Variants in IL1RAPL2 observed in about 807,000 individuals in gnomAD.
The protein encoded by IL1RAPL2 is interleukin 1 receptor accessory protein like 2, also known as X-linked interleukin-1 receptor accessory protein-like 2.
Under a neutral mutation model 44.1 loss-of-function variants are expected in IL1RAPL2, and 3 were observed. The observed-to-expected ratio is 0.07, with a 90% confidence interval of 0.03 to 0.18. The LOEUF (loss-of-function observed/expected upper bound fraction) is 0.18, where lower values mean the gene tolerates loss of function less well. IL1RAPL2 is among the 10% of genes least tolerant of loss of function. The pLI is 1.00. For synonymous variants in IL1RAPL2, 181 were observed against 178.8 expected (o/e 1.01, Z -0.10); for missense variants, 391 against 496.4 (o/e 0.79, Z 2.02).
At chrX:105,240,739 T>C (rs889918120) in intron 4 of IL1RAPL2, among the ~76,000 whole-genome samples, 12 of 112,417 alleles carry the variant, frequency 1.1e-4, no homozygotes, top group African/African-American at 3.5e-4. Context: ...ATAATTGATA[T>C]CATATACTCA....
chrX:104,704,362 G>A (rs1187051049), intron 2 of IL1RAPL2, among the ~76,000 whole-genome samples: 1 of 111,673 alleles, frequency 9.0e-6, no homozygotes, highest in Non-Finnish European at 1.9e-5. Context: ...GGGGCAGGAG[G>A]GTTGTGGTAG....
chrX:104,578,138 G>C (rs1928277514), intron 1 of IL1RAPL2, among the ~76,000 whole-genome samples: 1 of 111,899 alleles, frequency 8.9e-6, no homozygotes, highest in Non-Finnish European at 1.9e-5. Context: ...CCACATCTTA[G>C]TTTGTCAATA....
intron 6 of IL1RAPL2, among the ~76,000 whole-genome samples, chrX:105,640,667 TATATATATATATATATATATATATAC>T (rs1220711834): frequency 2.5e-5 from 2 of 80,186 alleles, no homozygotes; most frequent in Non-Finnish European, 4.3e-5. Flanking sequence ...TATATATATA[TATATATATATATATATATATATATAC>T]ACACACATAT....
chrX:105,351,151 AG>A (rs2035150896), intron 5 of IL1RAPL2, among the ~76,000 whole-genome samples: 1 of 111,906 alleles, frequency 8.9e-6, no homozygotes, highest in Non-Finnish European at 1.9e-5. Flanking sequence ...GTGGAGAAAC[AG>A]GAACACTTTT....
intron 1 of IL1RAPL2, among the ~76,000 whole-genome samples, chrX:104,637,520 T>C (rs1476031818): frequency 9.0e-6 from 1 of 111,055 alleles, no homozygotes; most frequent in Non-Finnish European, 1.9e-5. Context: ...AGTTTTTTTT[T>C]TTTATCATGA....
intron 5 of IL1RAPL2, among the ~76,000 whole-genome samples, chrX:105,468,161 C>A (rs888748905): frequency 8.9e-6 from 1 of 111,993 alleles, no homozygotes; most frequent in African/African-American, 3.2e-5. Flanking sequence ...AAAGTTTCAT[C>A]ATCTTTAGCA....
intron 2 of IL1RAPL2, among the ~76,000 whole-genome samples, chrX:105,000,253 T>C (rs1895232304): frequency 8.9e-6 from 1 of 112,407 alleles, no homozygotes; most frequent in Non-Finnish European, 1.9e-5. Flanking sequence ...GAAGGACATC[T>C]GTTACTACTA....
chrX:105,177,121 C>T (rs1001152990), intron 2 of IL1RAPL2, among the ~76,000 whole-genome samples: 15 of 110,554 alleles, frequency 1.4e-4, no homozygotes, highest in African/African-American at 4.9e-4. Flanking sequence ...GGCAGGTGAG[C>T]CAGTGAAGCT....
chrX:104,887,975 T>C (rs756207102), intron 2 of IL1RAPL2, among the ~76,000 whole-genome samples: 1 of 111,571 alleles, frequency 9.0e-6, no homozygotes, highest in East Asian at 2.8e-4. Flanking sequence ...TGTATACAAA[T>C]AGCAAGTATG....
At chrX:104,592,337 C>A (rs1361606849) in intron 1 of IL1RAPL2, among the ~76,000 whole-genome samples, 1 of 110,164 alleles carries the variant, frequency 9.1e-6, no homozygotes, top group African/African-American at 3.3e-5. Context: ...TTCTTCCCAA[C>A]CTCCTTCTAC....
At chrX:104,918,992 A>G (rs187080765) in intron 2 of IL1RAPL2, among the ~76,000 whole-genome samples, 9 of 111,893 alleles carry the variant, frequency 8.0e-5, no homozygotes, top group Admixed American at 7.6e-4. Flanking sequence ...AAGAAGCTCA[A>G]TGGCCATCCA....
chrX:104,913,215 C>T (rs986887413), intron 2 of IL1RAPL2, among the ~76,000 whole-genome samples: 2 of 111,194 alleles, frequency 1.8e-5, no homozygotes, highest in Non-Finnish European at 3.8e-5. Context: ...TTACCATCGA[C>T]CACAGGAGAC....
intron 2 of IL1RAPL2, among the ~76,000 whole-genome samples, chrX:104,882,543 A>T (rs1009898240): frequency 9.0e-6 from 1 of 111,700 alleles, no homozygotes; most frequent in African/African-American, 3.3e-5. Flanking sequence ...AAACACACCA[A>T]TCAGTGCTCT....
At chrX:105,055,993 G>A (rs1446828151) in intron 2 of IL1RAPL2, among the ~76,000 whole-genome samples, 1 of 111,852 alleles carries the variant, frequency 8.9e-6, no homozygotes, top group Non-Finnish European at 1.9e-5. Context: ...CCTATAATTC[G>A]AATGTCTATT....
At chrX:104,976,218 G>A (rs1028830855) in intron 2 of IL1RAPL2, among the ~76,000 whole-genome samples, 27 of 111,298 alleles carry the variant, frequency 2.4e-4, no homozygotes, top group African/African-American at 8.5e-4. Context: ...TAGCTTAAAA[G>A]ACACCCTAGT....
At chrX:104,768,936 A>G (rs1009741935) in intron 2 of IL1RAPL2, among the ~76,000 whole-genome samples, 3 of 111,098 alleles carry the variant, frequency 2.7e-5, no homozygotes, top group Non-Finnish European at 5.7e-5. Context: ...AGAGTTGCTG[A>G]GCATACTGTG....
At chrX:104,730,314 C>T (rs1212846456) in intron 2 of IL1RAPL2, among the ~76,000 whole-genome samples, 2 of 102,171 alleles carry the variant, frequency 2.0e-5, no homozygotes, top group African/African-American at 3.5e-5. Context: ...TGCTGGTGTG[C>T]TGCACCCATT....
chrX:104,674,149 T>G (rs1488337153), intron 2 of IL1RAPL2, among the ~76,000 whole-genome samples: 39 of 111,974 alleles, frequency 3.5e-4, no homozygotes, highest in African/African-American at 7.8e-4. Context: ...AAGAGGAGTG[T>G]TGAGAGAGGG....
chrX:105,279,357 G>C (rs59897475), intron 5 of IL1RAPL2, among the ~76,000 whole-genome samples: 11,750 of 111,560 alleles, frequency 0.11, 1,514 homozygotes, highest in African/African-American at 0.36. Context: ...GTGGAATAAA[G>C]CCTCAGGTGG....
Sources: gnomAD v4.1 joint callset for allele counts (sites outside exome capture counted in the v4.1 genomes callset) on GRCh38, gnomAD v4.1.1 for gene constraint, MANE v1.5 for transcripts, NCBI Gene and HGNC (gene_info 2026-07-23, HGNC 2026-07-21) for gene names.